ZNF518B: variants seen among roughly 807,000 people sequenced by gnomAD.
The protein encoded by ZNF518B is zinc finger protein 518B.
A neutral mutation model predicts 56.3 loss-of-function variants in ZNF518B; 23 were observed. The observed-to-expected ratio is 0.41, with a 90% confidence interval of 0.29 to 0.58. The LOEUF (loss-of-function observed/expected upper bound fraction) is 0.58, where lower values mean the gene tolerates loss of function less well. Among genes scored for constraint, ZNF518B ranks in the 20% least tolerant of loss-of-function variants. ZNF518B has a pLI of 0.32. For missense variants in ZNF518B, 1,460 were observed against 1,272.1 expected (o/e 1.15, Z -2.25); for synonymous variants, 529 against 465.9 (o/e 1.14, Z -1.74).
upstream of ZNF518B, among the ~76,000 whole-genome samples, chr4:10,458,399 C>T (rs1396348265): frequency 2.6e-5 from 4 of 152,162 alleles, no homozygotes; most frequent in East Asian, 1.9e-4. Flanking sequence ...CAAAGGTCGG[C>T]GTGCACGGAC....
chr4:10,440,288 GT>G lies in ZNF518B; in HGVS notation c.*2815del, dbSNP rs34932543. The G allele has an allele frequency of 0.28, 42,207 of 149,884 alleles. 6,958 individuals carry two copies. Among genetic ancestry groups the G allele is most frequent in the Non-Finnish European group, 0.39 (26,028 of 67,446 alleles). 9.3% of individuals were successfully genotyped at this position (149,884 alleles called of 1,614,324 possible). On this transcript the variant is annotated 3_prime_UTR_variant, in exon 3 of 3. Coordinates refer to ENST00000326756, the MANE Select transcript of ZNF518B (RefSeq NM_053042.3). ...TCTATCAGAGTATACTTTGGGTCAG[GT>G]TTTTTTTTTTTAACTTTTACTGTAT...
At chr4:10,448,806 G>T (rs1019627037) in intron 2 of ZNF518B, among the ~76,000 whole-genome samples, 2 of 152,134 alleles carry the variant, frequency 1.3e-5, no homozygotes, top group African/African-American at 4.8e-5. Flanking sequence ...TGCATTTCTG[G>T]AAGAGACAAC....
At chr4:10,452,981 C>T (rs187064369) in intron 2 of ZNF518B, 16 of 152,300 alleles carry the variant, frequency 1.1e-4, no homozygotes, top group African/African-American at 3.6e-4. Context: ...TCTGCTTTTC[C>T]AGGTGAAAGC....
Position 10,446,282 on chromosome 4 carries a change from C to T in ZNF518B, c.47G>A (p.Gly16Glu). Reference protein sequence around the residue: ...QQLYTTHLNGGHNSLTMSPKQ... With the variant: ...QQLYTTHLNGEHNSLTMSPKQ... ...GGGTGACATGGTCAAGGAATTATGT[C>T]CGCCGTTCAAGTGTGTAGTGTATAG... The change falls in exon 3 of 3, where the codon GGA becomes GAA. Residue 16 changes from glycine (G) to glutamate (E), a missense_variant. Transcript: ENST00000326756. 1 of 1,614,208 alleles carries T rather than the reference C, an allele frequency of 6.2e-7. No homozygotes were observed. The highest frequency in any genetic ancestry group is 8.5e-7 in the Non-Finnish European group (1 of 1,180,040).
rs1377970357 is a variant in ZNF518B, at chr4:10,441,486, C to T, written c.*1618G>A. The T allele has an allele frequency of 2.7e-5, 4 of 146,024 alleles. No individual in the cohort carries two copies. Among genetic ancestry groups the T allele is most frequent in the African/African-American group, 1.0e-4 (4 of 39,218 alleles). 9.0% of individuals were successfully genotyped at this position (146,024 alleles called of 1,614,324 possible). ...AGTCTCCAATCGACTACCCAATAAA[C>T]AATCACTGGTGTCTTTTTCAGGTGC... On this transcript the variant is annotated 3_prime_UTR_variant, in exon 3 of 3. Coordinates refer to ENST00000326756, the MANE Select transcript of ZNF518B (RefSeq NM_053042.3).
intron 2 of ZNF518B, among the ~76,000 whole-genome samples, chr4:10,449,910 A>C (rs1715232296): frequency 6.6e-6 from 1 of 152,222 alleles, no homozygotes; most frequent in African/African-American, 2.4e-5. Context: ...GTCTTCAAAA[A>C]TCCCAGAAGG....
intron 2 of ZNF518B, among the ~76,000 whole-genome samples, chr4:10,449,025 TCA>T (rs947023838): frequency 6.6e-6 from 1 of 152,168 alleles, no homozygotes; most frequent in Admixed American, 6.5e-5. Flanking sequence ...ATCCTCGAAA[TCA>T]CACACTTTAT....
In ZNF518B at chr4:10,445,939, A is replaced by G; in HGVS notation, c.390T>C (p.Phe130=). 1 of 1,614,246 alleles carries G rather than the reference A, an allele frequency of 6.2e-7. No individual in the cohort carries two copies. The highest frequency in any genetic ancestry group is 1.6e-4 in the Middle Eastern group (1 of 6,062). The change falls in exon 3 of 3, where the codon TTT becomes TTC. Residue 130 remains phenylalanine, a synonymous_variant. Coordinates refer to ENST00000326756, the MANE Select transcript of ZNF518B (RefSeq NM_053042.3). ...TATCACAATAGTATTTGCCTGGCTT[A>G]AAGTTCCTTACCTTAAATTTGCTAT... The part of the protein sequence containing the change: ...SVNSKFKVRN[F]KPGKYYCDKC...
chr4:10,445,734 C>T lies in ZNF518B; in HGVS notation c.595G>A (p.Ala199Thr). 1 of 1,614,168 alleles carries T rather than the reference C, an allele frequency of 6.2e-7. No homozygotes were observed. Among genetic ancestry groups the T allele is most frequent in the Non-Finnish European group, 8.5e-7 (1 of 1,180,032 alleles). The change falls in exon 3 of 3, where the codon GCT becomes ACT. Residue 199 changes from alanine (A) to threonine (T), a missense_variant. Coordinates refer to ENST00000326756, the MANE Select transcript of ZNF518B (RefSeq NM_053042.3). Reference sequence around the variant, plus strand: ...TTGACAATATAATCATTTCTAATAGCACCATAGTCACAATACTCACACTGA... The same window carrying T: ...TTGACAATATAATCATTTCTAATAGTACCATAGTCACAATACTCACACTGA... The part of the protein sequence containing the change: ...PYQCEYCDYG[A>T]IRNDYIVKHT...
At position 10,445,923 on chromosome 4, in the gene ZNF518B, A is replaced by G; in HGVS notation, c.406T>C (p.Tyr136His). 1 of 1,614,248 alleles carries G rather than the reference A, an allele frequency of 6.2e-7. No homozygotes were observed. The highest frequency in any genetic ancestry group is 8.5e-7 in the Non-Finnish European group (1 of 1,180,048). The change falls in exon 3 of 3, where the codon TAT (tyrosine) becomes CAT (histidine). Residue 136 changes from tyrosine (Y) to histidine (H), a missense_variant. Tyr to His is a moderately conservative substitution (Grantham distance 83, BLOSUM62 2). Transcript: ENST00000326756. ...KVRNFKPGKY[Y>H]CDKCRFSTKD... ...GTAGAGAATCGACATTTATCACAAT[A>G]GTATTTGCCTGGCTTAAAGTTCCTT...
intron 2 of ZNF518B, among the ~76,000 whole-genome samples, chr4:10,449,965 C>T (rs146329210): frequency 0.019 from 2,865 of 152,174 alleles, 97 homozygotes; most frequent in Admixed American, 0.092. Flanking sequence ...AAGTTGGGGG[C>T]GGGAAGGTAT....
chr4:10,445,311 G>T lies in ZNF518B; in HGVS notation c.1018C>A (p.Pro340Thr). Residue 340 changes from proline to threonine, a missense_variant, in exon 3 of 3, where the codon CCT becomes ACT. Coordinates refer to ENST00000326756, the MANE Select transcript of ZNF518B (RefSeq NM_053042.3). ...TVVAPAELVV[P>T]ANCLAQLIDV... ...ATCAACTGGGCTAAACAGTTTGCAG[G>T]GACAACTAGTTCTGCTGGTGCAACA... 1 of 1,614,118 alleles carries T rather than the reference G, an allele frequency of 6.2e-7. No individual in the cohort carries two copies. The highest frequency in any genetic ancestry group is 8.5e-7 in the Non-Finnish European group (1 of 1,179,988).
chr4:10,460,337 A>AAAC (rs1445350067), upstream of ZNF518B, among the ~76,000 whole-genome samples: 1 of 148,406 alleles, frequency 6.7e-6, no homozygotes, highest in Non-Finnish European at 1.5e-5. Context: ...AAAAAAAAAA[A>AAAC]ACCGACCATG....
chr4:10,455,607 C>A (rs986665594), intron 1 of ZNF518B, among the ~76,000 whole-genome samples: 1 of 146,822 alleles, frequency 6.8e-6, no homozygotes, highest in East Asian at 2.0e-4. Flanking sequence ...CTCTAGAGAT[C>A]TAAATGGATT....
intron 2 of ZNF518B, chr4:10,454,393 C>A (rs1416172861): frequency 6.6e-6 from 1 of 152,222 alleles, no homozygotes; most frequent in East Asian, 1.9e-4. Flanking sequence ...GTTTTATCCC[C>A]ACACCTGCTG....
chr4:10,458,921 G>GAGGC (rs1390900354), upstream of ZNF518B, among the ~76,000 whole-genome samples: 1 of 152,120 alleles, frequency 6.6e-6, no homozygotes, highest in Non-Finnish European at 1.5e-5. Context: ...TTTATAAGGA[G>GAGGC]AGGCAACTCT....
intron 2 of ZNF518B, among the ~76,000 whole-genome samples, chr4:10,448,026 T>C (rs1271422782): frequency 6.6e-6 from 1 of 152,202 alleles, no homozygotes; most frequent in Non-Finnish European, 1.5e-5. Flanking sequence ...ACAAAATCCA[T>C]TCTAGTTTGG....
upstream of ZNF518B, among the ~76,000 whole-genome samples, chr4:10,459,991 A>C (rs1715692039): frequency 6.6e-6 from 1 of 152,126 alleles, no homozygotes; most frequent in South Asian, 2.1e-4. Context: ...ACGTTCATTC[A>C]TTCACTCATG....
Position 10,444,711 on chromosome 4 carries a change from A to C in ZNF518B, c.1618T>G (p.Ser540Ala), listed in dbSNP as rs772881576. ...ACAGGCAATAAGCCCTTTTCTCCAG[A>C]GAAGGAACAGGTTGCAGGTGATGCA... ...FAASPATCSF[S>A]GEKGLLPVSE... The change falls in exon 3 of 3, where the codon TCT becomes GCT. Residue 540 changes from serine (S) to alanine (A), a missense_variant. Coordinates refer to ENST00000326756, the MANE Select transcript of ZNF518B (RefSeq NM_053042.3). 1.2e-5 allele frequency: 20 copies of C among 1,614,066 alleles called. No individual in the cohort carries two copies. The East Asian group carries it at 4.2e-4, about 34-fold the overall frequency.
Sources: gnomAD v4.1 joint callset for allele counts (sites outside exome capture counted in the v4.1 genomes callset) on GRCh38, gnomAD v4.1.1 for gene constraint, MANE v1.5 for transcripts, NCBI Gene and HGNC (gene_info 2026-07-23, HGNC 2026-07-21) for gene names.